The following EI24 variants were observed in gnomAD, a reference collection of about 807,000 sequenced individuals.
The protein encoded by EI24 is EI24 autophagy associated transmembrane protein.
EI24 carries 21 observed loss-of-function variants against 48.6 expected under a neutral mutation model. The observed-to-expected ratio is 0.43, with a 90% CI of 0.31 to 0.62. The LOEUF (loss-of-function observed/expected upper bound fraction) is 0.62, where lower values mean the gene tolerates loss of function less well. Ranked by LOEUF, EI24 falls within the 20% of genes least tolerant of loss-of-function variation. The pLI, the probability that EI24 is intolerant of heterozygous loss-of-function variation, is 0.10. For synonymous variants in EI24, 114 were observed against 145.5 expected, an observed-to-expected ratio of 0.78 and a Z score of 1.56; for missense variants, 280 against 410.5, an observed-to-expected ratio of 0.68 and a Z score of 2.75.
At chr11:125,572,647 TA>T in intron 2 of EI24, 78 bp downstream of exon 2, 1 of 1,413,756 alleles carries the variant, frequency 7.1e-7, no homozygotes. Flanking sequence ...GGAAATCCTT[TA>T]GGGTTTTTGG....
chr11:125,576,018 T>C, intron 3 of EI24: 1 of 507,272 alleles, frequency 2.0e-6, no homozygotes, highest in South Asian at 2.1e-5. Context: ...CTCGAACTCC[T>C]GACCTCAGTT....
Position 125,578,218 on chromosome 11 carries a change from G to T in EI24, c.402G>T (p.Leu134Phe). The change falls in exon 6 of 11, where the codon TTG becomes TTT. Residue 134 changes from leucine to phenylalanine, a missense_variant. Around this residue, in one of 3 missense-constraint regions of EI24, gnomAD observed 204 missense variants for 294.1 expected, o/e 0.69. Transcript: ENST00000278903. ...TCAGTGCTCTTTGGGTGCTCCCCTT[G>T]TTTGTGCTTAGCAAAGTGGTGAATG... ...SIFSALWVLPLFVLSKVVNAI... is the reference protein window; with the variant it reads ...SIFSALWVLPFFVLSKVVNAI... The T allele has an allele frequency of 3.7e-6, 6 of 1,613,988 alleles. No homozygotes were observed. The highest frequency in any genetic ancestry group is 5.1e-6 in the Non-Finnish European group (6 of 1,179,900).
chr11:125,576,289 T>C lies in EI24; in HGVS notation c.223T>C (p.Cys75Arg). The change falls in exon 4 of 11, where the codon TGT (cysteine) becomes CGT (arginine). Residue 75 changes from cysteine (C) to arginine (R), a missense_variant. Coordinates refer to ENST00000278903, the MANE Select transcript of EI24 (RefSeq NM_004879.5). ...PRIVSRIFQC[C>R]AWNGGVFWFS... Reference sequence around the variant, plus strand: ...TATTGTTAGTAGAATTTTCCAGTGTTGTGCTTGGAATGGTGGAGTGTTCTG... The same window carrying C: ...TATTGTTAGTAGAATTTTCCAGTGTCGTGCTTGGAATGGTGGAGTGTTCTG... 5 of 1,613,956 alleles carry C rather than the reference T, an allele frequency of 3.1e-6. No individual in the cohort carries two copies. The highest frequency in any genetic ancestry group is 4.2e-6 in the Non-Finnish European group (5 of 1,179,862).
Position 125,581,241 on chromosome 11 carries a change from T to C in EI24, c.704T>C (p.Ile235Thr). 6.2e-7 allele frequency: 1 copy of C among 1,612,516 alleles called. No homozygotes were observed. The highest frequency in any genetic ancestry group is 8.5e-7 in the Non-Finnish European group (1 of 1,178,978). Reference protein sequence around the residue: ...GIEMHQRLSNIERNWPYYFGF... With the variant: ...GIEMHQRLSNTERNWPYYFGF... ...GAAATGCACCAGCGGTTGTCTAACA[T>C]AGAAAGGAATTGGCCTTACTACTTT... The change falls in exon 9 of 11, where the codon ATA becomes ACA. Residue 235 changes from isoleucine to threonine, a missense_variant. Coordinates refer to ENST00000278903, the MANE Select transcript of EI24 (RefSeq NM_004879.5).
rs33956827 is a variant in EI24 at position 125,581,537 on chromosome 11, C to CTTTTT, written c.785+238_785+242dup. 8.7e-4 allele frequency among the ~76,000 whole-genome samples: 44 copies of CTTTTT among 50,750 alleles called. 6 individuals are homozygous for CTTTTT. The highest frequency in any genetic ancestry group is 1.9e-3 in the South Asian group (2 of 1,054). 33.3% of individuals were successfully genotyped at this position (50,750 alleles called of 152,430 possible). ...TATGTTGCCTCCTGAAGCAATTATT[C>CTTTTT]TTTTTTTTTTTTTTTTTTTTTTTTT... On this transcript the variant is annotated intron_variant, in intron 9 of 10. Transcript: ENST00000278903.
At chr11:125,579,318 T>C (rs1303117655) in intron 7 of EI24, among the ~76,000 whole-genome samples, 1 of 151,972 alleles carries the variant, frequency 6.6e-6, no homozygotes, top group East Asian at 1.9e-4. Flanking sequence ...TCCTGCCAGG[T>C]GGAAACTTTT....
intron 9 of EI24, 51 bp from the exon 10 acceptor site, chr11:125,582,295 C>G (rs1033957435): frequency 7.6e-6 from 11 of 1,448,726 alleles, no homozygotes; most frequent in Non-Finnish European, 1.0e-5. Flanking sequence ...TCTTCAAAGT[C>G]ATGTCTGTTA....
At chr11:125,579,998 A>G (rs1347675151) in intron 7 of EI24, 95 bp from the exon 8 acceptor site, 2 of 983,652 alleles carry the variant, frequency 2.0e-6, no homozygotes, top group Non-Finnish European at 3.2e-6. Context: ...AGAAGCAGCT[A>G]GGAAGCTATC....
chr11:125,582,112 C>T (rs953959363), intron 9 of EI24, among the ~76,000 whole-genome samples: 7 of 151,798 alleles, frequency 4.6e-5, no homozygotes, highest in Non-Finnish European at 1.0e-4. Context: ...GCAGGAGAAT[C>T]GCTTGAACAC....
chr11:125,578,045 C>A, intron 5 of EI24, 88 bp from the exon 6 acceptor site: 2 of 1,506,634 alleles, frequency 1.3e-6, no homozygotes, highest in South Asian at 1.2e-5. Flanking sequence ...CAGGAGGAGA[C>A]AGAGAATAGT....
chr11:125,576,371 GA>G (rs1217175895), intron 4 of EI24, 56 bp downstream of exon 4: 3 of 1,499,142 alleles, frequency 2.0e-6, no homozygotes. Context: ...TTGCTGGGTT[GA>G]TAGCTATGAA....
Position 125,576,279 on chromosome 11 carries a change from T to A in EI24, c.213T>A (p.Ile71=). Residue 71 remains isoleucine, a synonymous_variant, in exon 4 of 11, where the codon ATT becomes ATA. Coordinates refer to ENST00000278903, the MANE Select transcript of EI24 (RefSeq NM_004879.5). ...QESEPRIVSR[I]FQCCAWNGGV... ...GTGAGCCACGTATTGTTAGTAGAAT[T>A]TTCCAGTGTTGTGCTTGGAATGGTG... 1 of 1,613,936 alleles carries A rather than the reference T, an allele frequency of 6.2e-7. No homozygotes were observed. Among genetic ancestry groups the A allele is most frequent in the Non-Finnish European group, 8.5e-7 (1 of 1,179,858 alleles).
In EI24 at chr11:125,582,362, A is replaced by G; in HGVS notation, c.802A>G (p.Ile268Val). 1.9e-6 allele frequency: 3 copies of G among 1,576,878 alleles called. No individual in the cohort carries two copies. Among genetic ancestry groups the G allele is most frequent in the African/African-American group, 1.4e-5 (1 of 72,204 alleles). ...TTTAAACAGTGGCTGCCTTTTCTCT[A>G]TCCTCTTTCCTTTATTCATTATCAG... ...SYIISGCLFS[I>V]LFPLFIISAN... The change falls in exon 10 of 11, where the codon ATC (isoleucine) becomes GTC (valine). Residue 268 changes from isoleucine (I) to valine (V), a missense_variant. Around this residue, in one of 3 missense-constraint regions of EI24, gnomAD observed 14 missense variants for 51.3 expected, o/e 0.27. Coordinates refer to ENST00000278903, the MANE Select transcript of EI24 (RefSeq NM_004879.5).
At chr11:125,577,684 C>A (rs1264143407) in intron 5 of EI24, 114 bp downstream of exon 5, 3 of 912,338 alleles carry the variant, frequency 3.3e-6, no homozygotes, top group Non-Finnish European at 5.0e-6. Context: ...TGTTTATTTT[C>A]TTTTTTGTTG....
Position 125,583,965 on chromosome 11 carries a change from G to A in EI24, c.*282G>A, listed in dbSNP as rs781608251. 2.8e-5 allele frequency: 11 copies of A among 387,944 alleles called. No homozygotes were observed. The highest frequency in any genetic ancestry group is 4.7e-5 in the Non-Finnish European group (10 of 211,102). 24.0% of individuals were successfully genotyped at this position (387,944 alleles called of 1,614,324 possible). A position where few individuals can be genotyped will look rare whatever the true frequency, so the allele number is the denominator to read the frequency against. ...ATTTGCCAGTCCCTGTGCCTGGACT[G>A]ATTGGAACACTTTGTTTTTCTCCCT... is the stretch of plus-strand genomic sequence containing the variant. On this transcript the variant is annotated 3_prime_UTR_variant, in exon 11 of 11. Coordinates refer to ENST00000278903, the MANE Select transcript of EI24 (RefSeq NM_004879.5).
At chr11:125,583,427 C>A in intron 10 of EI24, 94 bp from the exon 11 acceptor site, 1 of 1,012,616 alleles carries the variant, frequency 9.9e-7, no homozygotes, top group South Asian at 1.7e-5. Flanking sequence ...CTTGTCTTTC[C>A]CTGTGTAGTT....
intron 6 of EI24, 131 bp downstream of exon 6, chr11:125,578,388 GC>G: frequency 8.8e-7 from 1 of 1,133,106 alleles, no homozygotes; most frequent in Non-Finnish European, 1.3e-6. Context: ...TGGCCAGGTA[GC>G]CAGTAGCTGA....
intron 7 of EI24, among the ~76,000 whole-genome samples, chr11:125,579,634 T>G (rs1268591558): frequency 1.3e-5 from 2 of 152,064 alleles, no homozygotes; most frequent in Non-Finnish European, 2.9e-5. Context: ...GCCATTGCAC[T>G]CCAGCCTGGG....
Position 125,583,529 on chromosome 11 carries a change from A to T in EI24, c.869A>T (p.Gln290Leu), listed in dbSNP as rs758571587. ...GGTTTCTTGCCTTTTAGTCTCTTCC[A>T]GTTGCGCCTCTTCTCCTTGGTGGTC... The part of the protein sequence containing the change: ...AKTPGKAYLF[Q>L]LRLFSLVVFL... Residue 290 changes from glutamine (Q) to leucine (L), a missense_variant, in exon 11 of 11, where the codon CAG becomes CTG. Around this residue, in one of 3 missense-constraint regions of EI24, gnomAD observed 62 missense variants for 65.1 expected, o/e 0.95. Coordinates refer to ENST00000278903, the MANE Select transcript of EI24 (RefSeq NM_004879.5). 6.3e-7 allele frequency: 1 copy of T among 1,591,440 alleles called. No homozygotes were observed. The highest frequency in any genetic ancestry group is 8.6e-7 in the Non-Finnish European group (1 of 1,167,212).
Sources: gnomAD v4.1 joint callset for allele counts (sites outside exome capture counted in the v4.1 genomes callset) on GRCh38, gnomAD v4.1.1 for gene constraint, gnomAD v4.1.1 regional missense constraint, MANE v1.5 for transcripts, NCBI Gene and HGNC (gene_info 2026-07-23, HGNC 2026-07-21) for gene names.